Variants in DCTN1 observed in about 807,000 individuals in gnomAD.
The protein encoded by DCTN1 is dynactin subunit 1.
Under a neutral mutation model 161.2 loss-of-function variants are expected in DCTN1, and 61 were observed. That is an observed-to-expected ratio of 0.38 (90% CI 0.31 to 0.47). The LOEUF (loss-of-function observed/expected upper bound fraction) is 0.47. Ranked by LOEUF, DCTN1 falls within the 20% of genes least tolerant of loss-of-function variation. The probability of loss-of-function intolerance (pLI) is 0.99; values close to 1 mark genes in which losing one functional copy is unlikely to be tolerated. For missense variants in DCTN1, 1,404 were observed against 1,623.7 expected, an observed-to-expected ratio of 0.86 and a Z score of 2.33; for synonymous variants, 653 against 632.4, an observed-to-expected ratio of 1.03 and a Z score of -0.49.
At chr2:74,365,047 C>T in intron 26 of DCTN1, 28 bp downstream of exon 26, 1 of 1,613,816 alleles carries the variant, frequency 6.2e-7, no homozygotes, top group Non-Finnish European at 8.5e-7. Flanking sequence ...CTCCTCTGTG[C>T]TAGTGCTGCC....
At chr2:74,371,986 C>T (rs1012971236) in intron 7 of DCTN1, 2 of 499,622 alleles carry the variant, frequency 4.0e-6, no homozygotes, top group Non-Finnish European at 7.3e-6. Flanking sequence ...AAGAGAAAGA[C>T]ATAAGATTAT....
In DCTN1 at chr2:74,377,717, A is replaced by G. The variant is rs1395459486; in HGVS notation, c.289T>C (p.Phe97Leu). The change falls in exon 3 of 32, where the codon TTT becomes CTT. Residue 97 changes from phenylalanine to leucine, a missense_variant. This residue lies in a region of DCTN1 where 174 missense variants were observed against 175.6 expected (regional missense o/e 0.99). Coordinates refer to ENST00000628224, the MANE Select transcript of DCTN1 (RefSeq NM_004082.5). ...GAAGTAGTATCTGCTCCATCTTCAAATACCTGGATCTGAGGCCAGATTCAA... is the reference window on the plus strand; with the variant it reads ...GAAGTAGTATCTGCTCCATCTTCAAGTACCTGGATCTGAGGCCAGATTCAA... ...IFVRQSQIQVFEDGADTTSPE... is the reference protein window; with the variant it reads ...IFVRQSQIQVLEDGADTTSPE... The G allele has an allele frequency of 6.2e-7, 1 of 1,613,738 alleles. No homozygotes were observed. Among genetic ancestry groups the G allele is most frequent in the East Asian group, 2.2e-5 (1 of 44,880 alleles).
chr2:74,390,328 C>G (rs1675935922), intron 1 of DCTN1, among the ~76,000 whole-genome samples: 1 of 152,114 alleles, frequency 6.6e-6, no homozygotes, highest in South Asian at 2.1e-4. Flanking sequence ...AATCTAGGAC[C>G]AACAGCATGG....
Position 74,366,610 on chromosome 2 carries a change from G to A in DCTN1, c.2477C>T (p.Thr826Met), listed in dbSNP as rs766585070. Reference sequence around the variant, plus strand: ...CAAGTGTTTCCTGCAGTCTAGGAGCGTGTCAGATACCTGTGTGCCAGGCCA... The same window carrying A: ...CAAGTGTTTCCTGCAGTCTAGGAGCATGTCAGATACCTGTGTGCCAGGCCA... ...ALAFGPQVSD[T>M]LLDCRKHLTW... The change falls in exon 22 of 32, where the codon ACG (threonine) becomes ATG (methionine). Residue 826 changes from threonine to methionine, a missense_variant. By Grantham distance (81) the Thr-to-Met change is moderately conservative. Transcript: ENST00000628224. The A allele has an allele frequency of 4.2e-5, 67 of 1,612,144 alleles. No homozygotes were observed. The highest frequency in any genetic ancestry group is 4.8e-5 in the Non-Finnish European group (57 of 1,180,038).
At position 74,361,428 on chromosome 2, in the gene DCTN1, G is replaced by A. The variant is rs1245898757; in HGVS notation, c.*71C>T. The A allele has an allele frequency of 6.2e-7, 1 of 1,608,388 alleles. No homozygotes were observed. ...ACGTTTCTACCTGGGGGCTGGCTGAGGTGGCTGTGCATCGGGCAGAGCGGC... is the reference window on the plus strand; with the variant it reads ...ACGTTTCTACCTGGGGGCTGGCTGAAGTGGCTGTGCATCGGGCAGAGCGGC... On this transcript the variant is annotated 3_prime_UTR_variant, in exon 32 of 32. Transcript: ENST00000628224.
chr2:74,376,729 G>A lies in DCTN1; in HGVS notation c.414+13C>T. The A allele has an allele frequency of 6.2e-7, 1 of 1,603,454 alleles. No individual in the cohort carries two copies. The highest frequency in any genetic ancestry group is 8.5e-7 in the Non-Finnish European group (1 of 1,175,082). The stretch of plus-strand genomic sequence containing the variant: ...GCCCCCATCCACCCAGGCACAAATA[G>A]TAAACACACCACCTTCTTAGGCTTC... On this transcript the variant is annotated intron_variant, in intron 5 of 31. Transcript: ENST00000628224.
chr2:74,386,188 T>C (rs573261772), intron 1 of DCTN1, among the ~76,000 whole-genome samples: 1 of 152,244 alleles, frequency 6.6e-6, no homozygotes, highest in South Asian at 2.1e-4. Context: ...TAAGATTCCC[T>C]CCTTAGCAAC....
intron 6 of DCTN1, 58 bp downstream of exon 6, chr2:74,374,265 G>A: frequency 1.8e-6 from 2 of 1,111,044 alleles, no homozygotes; most frequent in Non-Finnish European, 2.7e-6. Flanking sequence ...CACCCCAGCA[G>A]CCTGCTGCCA....
chr2:74,362,716 C>T lies in DCTN1; in HGVS notation c.3543G>A (p.Pro1181=), dbSNP rs745853966. 33 of 1,613,860 alleles carry T rather than the reference C, an allele frequency of 2.0e-5. No individual in the cohort carries two copies. The African/African-American group carries it at 2.1e-4, about 10-fold the overall frequency. Residue 1181 remains proline (P), a synonymous_variant, in exon 30 of 32, where the codon CCG becomes CCA. Transcript: ENST00000628224. ...ITRTSPAAKS[P]SAQLMEQVAQ... Reference sequence around the variant, plus strand: ...CCACTTGCTCCATAAGTTGGGCCGACGGGCTCTTGGCAGCTGTGGGGAGAG... The same window carrying T: ...CCACTTGCTCCATAAGTTGGGCCGATGGGCTCTTGGCAGCTGTGGGGAGAG...
intron 1 of DCTN1, among the ~76,000 whole-genome samples, chr2:74,386,215 T>A (rs1401314911): frequency 1.3e-5 from 2 of 152,182 alleles, no homozygotes; most frequent in African/African-American, 2.4e-5. Flanking sequence ...CTCTAGGCTC[T>A]CAAGGTTCAG....
Position 74,367,076 on chromosome 2 carries a change from A to C in DCTN1, c.2285T>G (p.Val762Gly). ...FTQSALDCMS[V>G]EVGRLRAFLQ... ...GAAGGCACGCAGCCGTCCTACCTCC[A>C]CACTCATGCAGTCCAGAGCACTCTG... is the stretch of plus-strand genomic sequence containing the variant. The change falls in exon 20 of 32, where the codon GTG (valine) becomes GGG (glycine). Residue 762 changes from valine (V) to glycine (G), a missense_variant. Coordinates refer to ENST00000628224, the MANE Select transcript of DCTN1 (RefSeq NM_004082.5). 6.2e-7 allele frequency: 1 copy of C among 1,614,206 alleles called. No individual in the cohort carries two copies. Among genetic ancestry groups the C allele is most frequent in the Non-Finnish European group, 8.5e-7 (1 of 1,180,026 alleles).
chr2:74,368,221 G>A, intron 16 of DCTN1, 90 bp from the exon 17 acceptor site: 2 of 1,509,136 alleles, frequency 1.3e-6, no homozygotes, highest in South Asian at 1.2e-5. Context: ...TTAACTATGT[G>A]GGGAGCATGG....
At chr2:74,373,007 AAGAC>A (rs1165500275) in intron 6 of DCTN1, 59 bp from the exon 7 acceptor site, 10 of 1,537,852 alleles carry the variant, frequency 6.5e-6, no homozygotes, top group Middle Eastern at 1.7e-4. Flanking sequence ...CAATGGCAGA[AAGAC>A]AGAGAGCAAA....
rs758664042 is a variant in DCTN1, at chr2:74,363,014, T to C, written c.3509A>G (p.Asp1170Gly). ...CATACCAGGGCTGGTGCGAGTGATG[T>C]CTACTACGTGCGTGTGTGTGCTCAA... ...NQLSTHTHVV[D>G]ITRTSPAAKS... Residue 1170 changes from aspartate to glycine, a missense_variant, in exon 29 of 32, where the codon GAC becomes GGC. Asp to Gly is a moderately conservative substitution (Grantham distance 94). Transcript: ENST00000628224. 3 of 1,613,524 alleles carry C rather than the reference T, an allele frequency of 1.9e-6. No homozygotes were observed. Among genetic ancestry groups the C allele is most frequent in the African/African-American group, 1.3e-5 (1 of 75,022 alleles).
chr2:74,362,273 C>T (rs1674063819), intron 30 of DCTN1, 132 bp from the exon 31 acceptor site: 1 of 771,020 alleles, frequency 1.3e-6, no homozygotes, highest in Non-Finnish European at 2.2e-6. Context: ...CATACTTTTG[C>T]TCTCATCTCC....
chr2:74,362,837 G>T, intron 29 of DCTN1, 108 bp from the exon 30 acceptor site: 1 of 1,301,762 alleles, frequency 7.7e-7, no homozygotes, highest in Non-Finnish European at 1.1e-6. Flanking sequence ...ACAAGTACTT[G>T]AGAGAGAGTG....
rs1173620598 is a variant in DCTN1, at chr2:74,370,182, AGACCT to A, written c.1286_1287+3del. On this transcript the variant is annotated splice_donor_variant and splice_donor_region_variant and coding_sequence_variant and intron_variant, in exon 12 of 32. Transcript: ENST00000628224. LOFTEE classifies it high-confidence loss of function. The surrounding 1 kb of genome is among the most constrained non-coding windows in gnomAD (Gnocchi z 4.4). ...TTCTGGGTGAGGGGCTGGGCTCCCC[AGACCT>A]GCTCCTTGAGCTCATCAATGGTGCT... is the stretch of plus-strand genomic sequence containing the variant. 6.2e-7 allele frequency: 1 copy of A among 1,613,308 alleles called. No individual in the cohort carries two copies. Among genetic ancestry groups the A allele is most frequent in the African/African-American group, 1.3e-5 (1 of 74,922 alleles).
Position 74,369,404 on chromosome 2 carries a change from C to T in DCTN1, c.1480G>A (p.Ala494Thr), listed in dbSNP as rs113980038. The T allele has an allele frequency of 8.3e-5, 134 of 1,614,188 alleles. 1 individual carries two copies. Among genetic ancestry groups the T allele is most frequent in the African/African-American group, 6.5e-4 (49 of 75,036 alleles). Residue 494 changes from alanine (A) to threonine (T), a missense_variant, in exon 14 of 32, where the codon GCG becomes ACG. Physicochemically the swap from Ala to Thr is moderately conservative, Grantham distance 58 (BLOSUM62 0). Coordinates refer to ENST00000628224, the MANE Select transcript of DCTN1 (RefSeq NM_004082.5). This position sits in a 1 kb window ranked among gnomAD's most constrained non-coding sequence, Gnocchi z 4.9. The part of the protein sequence containing the change: ...ELREQLDMAG[A>T]RVREAQKRVE... ...CGCTTCTGGGCCTCACGAACCCGCGCGCCTGCCATGTCCAGCTGCTCCCGC... is the reference window on the plus strand; with the variant it reads ...CGCTTCTGGGCCTCACGAACCCGCGTGCCTGCCATGTCCAGCTGCTCCCGC...
At chr2:74,382,663 A>G (rs1454409042), upstream of DCTN1, among the ~76,000 whole-genome samples, 1 of 152,024 alleles carries the variant, frequency 6.6e-6, no homozygotes, top group Non-Finnish European at 1.5e-5. Flanking sequence ...ATTACCTGAC[A>G]TGATACTAAA....
Sources: gnomAD v4.1 joint callset for allele counts (sites outside exome capture counted in the v4.1 genomes callset) on GRCh38, gnomAD v4.1.1 for gene constraint, gnomAD v4.1.1 regional missense constraint, Gnocchi (gnomAD v3.1) non-coding constraint, MANE v1.5 for transcripts, NCBI Gene and HGNC (gene_info 2026-07-23, HGNC 2026-07-21) for gene names.